The following HEATR4 variants were observed in gnomAD, a reference collection of about 807,000 sequenced individuals.
HEATR4 encodes HEAT repeat containing 4, also known as HEAT repeat-containing protein 4.
In HEATR4, 95 loss-of-function variants were observed where a neutral mutation model predicts 108.8. The observed-to-expected ratio is 0.87, with a 90% CI of 0.74 to 1.04. The LOEUF (loss-of-function observed/expected upper bound fraction) is 1.04. Among genes scored for constraint, HEATR4 ranks in the 50% least tolerant of loss-of-function variants. The probability of loss-of-function intolerance (pLI) is 0.00; values close to 1 mark genes in which losing one functional copy is unlikely to be tolerated. For synonymous variants in HEATR4, 443 were observed against 459.4 expected (o/e 0.96, Z 0.46); for missense variants, 1,152 against 1,253.8 (o/e 0.92, Z 1.23).
chr14:73,495,420 A>G, intron 15 of HEATR4, 33 bp from the exon 16 acceptor site: 3 of 1,573,126 alleles, frequency 1.9e-6, no homozygotes, highest in Non-Finnish European at 2.6e-6. Context: ...TGAAAAACAA[A>G]ACAAAACACC....
At chr14:73,615,029 C>T in the HEATR4 span, among the ~76,000 whole-genome samples, 1 of 146,664 alleles carries the variant, frequency 6.8e-6, no homozygotes, top group Non-Finnish European at 1.5e-5. Context: ...GCAGAGGTTG[C>T]AGTGAGCCAA....
Position 73,510,762 on chromosome 14 carries a change from G to A in HEATR4, c.1558+1244C>T, listed in dbSNP as rs115504939. 5.0e-3 allele frequency among the ~76,000 whole-genome samples: 757 copies of A among 152,212 alleles called. 11 individuals are homozygous for A. Among genetic ancestry groups the A allele is most frequent in the African/African-American group, 0.018 (728 of 41,540 alleles). On this transcript the variant is annotated intron_variant, in intron 7 of 17. Coordinates refer to ENST00000553558, the MANE Select transcript of HEATR4 (RefSeq NM_001220484.1). ...TGGCTGCAGTTCTTGAGGCTGTCTT[G>A]AGCATTCCACAGAGTCTTGGGGACA...
At chr14:73,583,547 TC>T in the HEATR4 span, among the ~76,000 whole-genome samples, 104 of 144,498 alleles carry the variant, frequency 7.2e-4, 1 homozygote, top group African/African-American at 2.4e-3. Context: ...AGGTGATGGT[TC>T]GACAGTTACC....
chr14:73,511,826 A>G (rs1399777738), intron 7 of HEATR4, among the ~76,000 whole-genome samples, 180 bp downstream of exon 7: 1 of 152,222 alleles, frequency 6.6e-6, no homozygotes, highest in African/African-American at 2.4e-5. Context: ...CTGGACTAGA[A>G]GTCTGGAATT....
chr14:73,570,008 G>A, the HEATR4 span: 3 of 1,390,900 alleles, frequency 2.2e-6, no homozygotes, highest in Non-Finnish European at 2.8e-6. Context: ...TGCCCAGGCA[G>A]GTTTCGAATT....
At chr14:73,574,921 G>A in the HEATR4 span, 113 of 1,611,972 alleles carry the variant, frequency 7.0e-5, 1 homozygote, top group East Asian at 2.5e-3. Flanking sequence ...AAAGGTCCAG[G>A]AGTTGGGCTG....
chr14:73,508,515 A>AGCACTTTGGGAGGCTG (rs1886993410), intron 8 of HEATR4, among the ~76,000 whole-genome samples: 2 of 152,112 alleles, frequency 1.3e-5, no homozygotes, highest in African/African-American at 4.8e-5. Flanking sequence ...TTGGGAGGCC[A>AGCACTTTGGGAGGCTG]AGGTGGGCGG....
intron 17 of HEATR4, among the ~76,000 whole-genome samples, chr14:73,483,441 T>C (rs1056875037): frequency 6.6e-6 from 1 of 152,182 alleles, no homozygotes; most frequent in African/African-American, 2.4e-5. Context: ...CACTATAAAC[T>C]TGAACTCCTG....
intron 5 of HEATR4, chr14:73,517,312 C>T (rs963032498): frequency 2.0e-5 from 3 of 152,152 alleles, no homozygotes; most frequent in Non-Finnish European, 4.4e-5. Flanking sequence ...CTGCCTGCCT[C>T]ATCAAATTGT....
chr14:73,524,541 G>A (rs1315040804), intron 2 of HEATR4, among the ~76,000 whole-genome samples: 1 of 150,554 alleles, frequency 6.6e-6, no homozygotes, highest in Non-Finnish European at 1.5e-5. Flanking sequence ...ACCTTGCTGA[G>A]GATTTTACGT....
At chr14:73,605,556 C>CTTTTTTTTTTTTTTT in the HEATR4 span, among the ~76,000 whole-genome samples, 1 of 56,884 alleles carries the variant, frequency 1.8e-5, no homozygotes, top group Non-Finnish European at 3.7e-5. Context: ...CTGTAAGATT[C>CTTTTTTTTTTTTTTT]TTTTTTTTTT....
the HEATR4 span, among the ~76,000 whole-genome samples, chr14:73,625,666 CATT>C: frequency 6.6e-6 from 1 of 152,138 alleles, no homozygotes. Context: ...TAGCCTTTTT[CATT>C]ATTATTATAT....
At chr14:73,521,464 A>G (rs967804726) in intron 3 of HEATR4, among the ~76,000 whole-genome samples, 1 of 152,130 alleles carries the variant, frequency 6.6e-6, no homozygotes, top group African/African-American at 2.4e-5. Flanking sequence ...AAGCTCCTTA[A>G]AGGTACATAT....
At chr14:73,495,115 C>T in intron 16 of HEATR4, 113 bp downstream of exon 16, 2 of 845,868 alleles carry the variant, frequency 2.4e-6, no homozygotes, top group Admixed American at 2.6e-5. Flanking sequence ...AGAGAGTACC[C>T]TTTCCTGACT....
intron 2 of HEATR4, among the ~76,000 whole-genome samples, chr14:73,524,336 T>TATATATATATATA (rs1888198687): frequency 3.0e-5 from 4 of 134,534 alleles, no homozygotes; most frequent in South Asian, 2.4e-4. Context: ...TATATATATA[T>TATATATATATATA]TATAGCTGTA....
rs1284677578 is a variant in HEATR4 at position 73,533,697 on chromosome 14, G to A, written c.-151-3453C>T. The stretch of plus-strand genomic sequence containing the variant: ...TCCAAAAGTTCTGGAAATGGATAAT[G>A]GTGATAGTTGTACAACAATGTAATG... On this transcript the variant is annotated intron_variant, in intron 1 of 17. Coordinates refer to ENST00000553558, the MANE Select transcript of HEATR4 (RefSeq NM_001220484.1). 1.8e-5 allele frequency among the ~76,000 whole-genome samples: 2 copies of A among 111,118 alleles called. 1 individual carries two copies. The highest frequency in any genetic ancestry group is 5.9e-5 in the African/African-American group (2 of 34,124). 72.9% of individuals were successfully genotyped at this position (111,118 alleles called of 152,430 possible).
intron 2 of HEATR4, among the ~76,000 whole-genome samples, chr14:73,526,529 A>G (rs115517860): frequency 0.013 from 1,971 of 151,608 alleles, 42 homozygotes; most frequent in African/African-American, 0.046. Flanking sequence ...AGAGACTCCT[A>G]CTTGGGGAAA....
At chr14:73,602,815 C>T in the HEATR4 span, among the ~76,000 whole-genome samples, 15 of 152,196 alleles carry the variant, frequency 9.9e-5, no homozygotes, top group African/African-American at 2.4e-4. Flanking sequence ...TAACTAACCA[C>T]GTCAAATAAT....
the HEATR4 span, among the ~76,000 whole-genome samples, chr14:73,565,460 A>G: frequency 6.8e-6 from 1 of 147,294 alleles, no homozygotes; most frequent in African/African-American, 2.5e-5. Context: ...ATCTCGGCTC[A>G]CTGCAAGTGT....
Sources: gnomAD v4.1 joint callset for allele counts (sites outside exome capture counted in the v4.1 genomes callset) on GRCh38, gnomAD v4.1.1 for gene constraint, MANE v1.5 for transcripts, NCBI Gene and HGNC (gene_info 2026-07-23, HGNC 2026-07-21) for gene names.